The following PRKN variants were observed in gnomAD, a reference collection of about 807,000 sequenced individuals.
PRKN encodes the protein E3 ubiquitin-protein ligase parkin.
PRKN carries 56 observed loss-of-function variants against 59.5 expected under a neutral mutation model. The ratio of observed to expected loss-of-function variants is 0.94; its 90% CI spans 0.76 to 1.18. PRKN has a LOEUF of 1.18. PRKN is among the 50% of genes most tolerant of loss of function. The pLI, the probability that PRKN is intolerant of heterozygous loss-of-function variation, is 0.00. For synonymous variants in PRKN, 250 were observed against 222.1 expected (o/e 1.13, Z -1.12); for missense variants, 657 against 596.4 (o/e 1.10, Z -1.06).
At chr6:162,033,666 A>C (rs1454812432) in intron 5 of PRKN, among the ~76,000 whole-genome samples, 1 of 152,172 alleles carries the variant, frequency 6.6e-6, no homozygotes, top group Non-Finnish European at 1.5e-5. Flanking sequence ...CTTGTAGTTA[A>C]AGCATGATTT....
At chr6:161,767,094 T>G (rs9347538) in intron 7 of PRKN, among the ~76,000 whole-genome samples, 1 of 151,970 alleles carries the variant, frequency 6.6e-6, no homozygotes, top group Non-Finnish European at 1.5e-5. Context: ...AGGATTAGCC[T>G]CACGACTTAT....
At chr6:161,843,885 T>C (rs751348698) in intron 6 of PRKN, among the ~76,000 whole-genome samples, 57 of 152,054 alleles carry the variant, frequency 3.7e-4, no homozygotes, top group Admixed American at 2.8e-3. Flanking sequence ...GCATCGAGGG[T>C]GAATCTCCCT....
At chr6:162,198,000 C>T (rs1484059807) in intron 4 of PRKN, among the ~76,000 whole-genome samples, 1 of 152,058 alleles carries the variant, frequency 6.6e-6, no homozygotes, top group African/African-American at 2.4e-5. Flanking sequence ...AGTAAGGACA[C>T]TTTGGTAGAA....
intron 4 of PRKN, among the ~76,000 whole-genome samples, chr6:162,166,095 A>G (rs555769386): frequency 1.4e-4 from 22 of 151,748 alleles, no homozygotes; most frequent in Non-Finnish European, 3.1e-4. Flanking sequence ...ATCTGTTTAA[A>G]AGTGGTTTAC....
intron 2 of PRKN, among the ~76,000 whole-genome samples, chr6:162,368,868 C>A (rs10945819): frequency 0.36 from 54,355 of 151,984 alleles, 10,187 homozygotes; most frequent in East Asian, 0.64. Flanking sequence ...TCTGCTGCTC[C>A]CTTAGGCTAC....
In PRKN at chr6:162,563,880, C is replaced by T. The variant is rs140573922; in HGVS notation, c.8-120407G>A. Among the ~76,000 whole-genome samples, 75 of 151,926 alleles carry T rather than the reference C, an allele frequency of 4.9e-4. No homozygotes were observed. The East Asian group carries it at 0.011, about 22-fold the overall frequency. ...GGAGCTGAAAAACACAATTGGCATACTGAAGAATGTATCAGAGTCTTTTAA... is the reference window on the plus strand; with the variant it reads ...GGAGCTGAAAAACACAATTGGCATATTGAAGAATGTATCAGAGTCTTTTAA... On this transcript the variant is annotated intron_variant, in intron 1 of 11. Transcript: ENST00000366898.
chr6:161,669,886 C>T (rs897025520), intron 7 of PRKN, among the ~76,000 whole-genome samples: 1 of 152,206 alleles, frequency 6.6e-6, no homozygotes, highest in Non-Finnish European at 1.5e-5. Context: ...CAGTGGGGGT[C>T]ACGTGAGCCC....
At chr6:162,162,027 A>G (rs1329629892) in intron 4 of PRKN, among the ~76,000 whole-genome samples, 2 of 152,200 alleles carry the variant, frequency 1.3e-5, no homozygotes, top group Non-Finnish European at 2.9e-5. Context: ...AAAGTAATAA[A>G]ACAATTGAAA....
At chr6:162,615,860 GTCAC>G (rs1782387326) in intron 1 of PRKN, among the ~76,000 whole-genome samples, 1 of 152,204 alleles carries the variant, frequency 6.6e-6, no homozygotes, top group Non-Finnish European at 1.5e-5. Context: ...CACTCTTTCA[GTCAC>G]TCATTCAGAA....
chr6:162,692,940 G>C (rs1332828161), intron 1 of PRKN, among the ~76,000 whole-genome samples: 1 of 152,060 alleles, frequency 6.6e-6, no homozygotes, highest in East Asian at 1.9e-4. Flanking sequence ...CCTTGGTCAT[G>C]ACCAGTCTCT....
chr6:162,679,109 T>TATGA (rs1554261426), intron 1 of PRKN, among the ~76,000 whole-genome samples: 4 of 148,412 alleles, frequency 2.7e-5, no homozygotes, highest in African/African-American at 5.0e-5. Context: ...TTTATTTATT[T>TATGA]ATGAATGAAT....
intron 7 of PRKN, among the ~76,000 whole-genome samples, chr6:161,779,885 A>G (rs1790131922): frequency 6.6e-6 from 1 of 152,170 alleles, no homozygotes; most frequent in African/African-American, 2.4e-5. Context: ...TTATGCATTG[A>G]ATTATAGGAA....
intron 9 of PRKN, among the ~76,000 whole-genome samples, chr6:161,485,135 T>C (rs1454081658): frequency 1.3e-5 from 2 of 152,200 alleles, no homozygotes; most frequent in Admixed American, 1.3e-4. Context: ...ACAAACCTAT[T>C]AATATTCTGG....
intron 6 of PRKN, among the ~76,000 whole-genome samples, chr6:161,929,445 C>T (rs1392048954): frequency 6.7e-6 from 1 of 150,078 alleles, no homozygotes; most frequent in Non-Finnish European, 1.5e-5. Context: ...GGTGCTTGCA[C>T]AGCATGGGAA....
intron 2 of PRKN, among the ~76,000 whole-genome samples, chr6:162,377,268 T>C (rs1786160920): frequency 6.6e-6 from 1 of 152,114 alleles, no homozygotes; most frequent in Admixed American, 6.5e-5. Context: ...TGTGAATGTG[T>C]AAGGAACACA....
At chr6:161,908,329 C>G (rs1270064230) in intron 6 of PRKN, among the ~76,000 whole-genome samples, 3 of 152,286 alleles carry the variant, frequency 2.0e-5, no homozygotes, top group Admixed American at 6.5e-5. Context: ...CTTGTTTATA[C>G]AAGCCCAGGT....
Position 162,567,103 on chromosome 6 carries a change from A to G in PRKN, c.8-123630T>C, listed in dbSNP as rs538754597. 9.6e-4 allele frequency among the ~76,000 whole-genome samples: 146 copies of G among 152,298 alleles called. 2 individuals are homozygous for G. The highest frequency in any genetic ancestry group is 3.4e-3 in the Middle Eastern group (1 of 294). ...TCTCAAAATACTGGGGATAAAAGGA[A>G]CACATCTCAACATATGGCTTTTATT... On this transcript the variant is annotated intron_variant, in intron 1 of 11. Coordinates refer to ENST00000366898, the MANE Select transcript of PRKN (RefSeq NM_004562.3).
intron 3 of PRKN, among the ~76,000 whole-genome samples, chr6:162,254,455 CAAA>C (rs148927604): frequency 8.5e-5 from 8 of 94,182 alleles, no homozygotes; most frequent in Non-Finnish European, 6.6e-5. Context: ...GACTCCATCT[CAAA>C]AAAAAAAAAA....
At chr6:162,027,687 TG>T (rs1303726255) in intron 5 of PRKN, among the ~76,000 whole-genome samples, 1 of 152,140 alleles carries the variant, frequency 6.6e-6, no homozygotes. Context: ...TACTCTGCAA[TG>T]TTTTAATACA....
Sources: gnomAD v4.1 joint callset for allele counts (sites outside exome capture counted in the v4.1 genomes callset) on GRCh38, gnomAD v4.1.1 for gene constraint, MANE v1.5 for transcripts, NCBI Gene and HGNC (gene_info 2026-07-23, HGNC 2026-07-21) for gene names.